Variants in FAR2 observed in about 807,000 individuals in gnomAD.
FAR2 encodes the protein fatty acyl-CoA reductase 2, also known as epididymis secretory protein Li 81.
Under a neutral mutation model 56.0 loss-of-function variants are expected in FAR2, and 19 were observed. That is an observed-to-expected ratio of 0.34 (90% confidence interval 0.24 to 0.50). FAR2 has a LOEUF of 0.50. FAR2 is among the 20% of genes least tolerant of loss of function. The probability of loss-of-function intolerance (pLI) is 0.98; values close to 1 mark genes in which losing one functional copy is unlikely to be tolerated. For missense variants in FAR2, 508 were observed against 642.2 expected (o/e 0.79, Z 2.26); for synonymous variants, 219 against 218.8 (o/e 1.00, Z -0.01).
rs756396709 is a variant in FAR2 at position 29,241,356 on chromosome 12, CA to C, written c.-38-29054del. Reference sequence around the variant, plus strand: ...TGATGGAAATCTGGAAAGACTTTCTCAAGAAAGTGAAAGAGGAATTTCTGTA... The same window carrying C: ...TGATGGAAATCTGGAAAGACTTTCTCAGAAAGTGAAAGAGGAATTTCTGTA... On this transcript the variant is annotated intron_variant, in intron 1 of 11. Coordinates refer to ENST00000536681, the MANE Select transcript of FAR2 (RefSeq NM_001271783.2). Among the ~76,000 whole-genome samples the C allele has an allele frequency of 6.6e-5, 10 of 152,112 alleles. 1 individual carries two copies. The East Asian group carries it at 1.7e-3, about 27-fold the overall frequency.
At chr12:29,166,092 A>C (rs1262390491) in intron 1 of FAR2, among the ~76,000 whole-genome samples, 1 of 152,218 alleles carries the variant, frequency 6.6e-6, no homozygotes, top group South Asian at 2.1e-4. Flanking sequence ...CAACATCTAC[A>C]CTATTTATCT....
At chr12:29,231,030 G>T (rs1253853212) in intron 1 of FAR2, among the ~76,000 whole-genome samples, 1 of 152,160 alleles carries the variant, frequency 6.6e-6, no homozygotes, top group East Asian at 1.9e-4. Flanking sequence ...AGACTACACT[G>T]GCCTTGGGGA....
chr12:29,193,866 T>C (rs1392372559), intron 1 of FAR2, among the ~76,000 whole-genome samples: 1 of 152,208 alleles, frequency 6.6e-6, no homozygotes, highest in African/African-American at 2.4e-5. Context: ...ATTCCCACCA[T>C]TAATGAATGA....
intron 2 of FAR2, chr12:29,277,553 AC>A (rs1158662143): frequency 6.6e-6 from 1 of 152,238 alleles, no homozygotes; most frequent in African/African-American, 2.4e-5. Context: ...CATAAGAAAC[AC>A]ATGTATATTT....
chr12:29,277,932 C>CTTTCT (rs1948727327), intron 2 of FAR2: 8 of 115,484 alleles, frequency 6.9e-5, no homozygotes, highest in Middle Eastern at 5.3e-3. Flanking sequence ...TATTTTCTTT[C>CTTTCT]TTTTTTTTTT....
At chr12:29,232,585 G>A (rs1310353920) in intron 1 of FAR2, among the ~76,000 whole-genome samples, 3 of 152,202 alleles carry the variant, frequency 2.0e-5, no homozygotes, top group African/African-American at 7.2e-5. Context: ...ATTGTCAAGA[G>A]GGTGTTCAGC....
At chr12:29,170,970 A>T (rs1050055160) in intron 1 of FAR2, among the ~76,000 whole-genome samples, 2 of 152,356 alleles carry the variant, frequency 1.3e-5, no homozygotes, top group Admixed American at 1.3e-4. Context: ...AGAGGTTAGG[A>T]ACTCCCTTTC....
At chr12:29,162,705 C>T (rs763458845) in intron 1 of FAR2, among the ~76,000 whole-genome samples, 2 of 151,966 alleles carry the variant, frequency 1.3e-5, no homozygotes, top group Non-Finnish European at 2.9e-5. Flanking sequence ...AACCAAAAGG[C>T]TTATCTTTTA....
chr12:29,288,589 A>G (rs1948910909), intron 2 of FAR2, among the ~76,000 whole-genome samples: 2 of 152,104 alleles, frequency 1.3e-5, no homozygotes, highest in South Asian at 4.1e-4. Context: ...GCACCATTTC[A>G]TCTTGTCCCT....
intron 1 of FAR2, among the ~76,000 whole-genome samples, chr12:29,153,269 A>G (rs945939535): frequency 2.0e-5 from 3 of 152,222 alleles, no homozygotes; most frequent in African/African-American, 7.2e-5. Context: ...TGGTGTTCTG[A>G]GAAGGCTTGC....
intron 1 of FAR2, among the ~76,000 whole-genome samples, chr12:29,232,889 C>T (rs551778842): frequency 1.8e-4 from 28 of 151,892 alleles, no homozygotes; most frequent in Non-Finnish European, 3.1e-4. Context: ...ATTCCCTTGG[C>T]CACACTATGG....
intron 1 of FAR2, among the ~76,000 whole-genome samples, chr12:29,190,466 A>C (rs10771491): frequency 1.3e-4 from 19 of 151,338 alleles, no homozygotes; most frequent in Non-Finnish European, 2.4e-4. Context: ...TTAATTAATT[A>C]ATTTATTTAT....
At chr12:29,230,113 CA>C (rs1347602797) in intron 1 of FAR2, among the ~76,000 whole-genome samples, 1 of 152,060 alleles carries the variant, frequency 6.6e-6, no homozygotes, top group Non-Finnish European at 1.5e-5. Flanking sequence ...ATGACATACA[CA>C]GATGTCATCT....
chr12:29,224,803 G>A (rs1216601992), intron 1 of FAR2, among the ~76,000 whole-genome samples: 1 of 152,160 alleles, frequency 6.6e-6, no homozygotes, highest in Non-Finnish European at 1.5e-5. Flanking sequence ...AATTGCAAAT[G>A]GAATTACTGC....
intron 1 of FAR2, among the ~76,000 whole-genome samples, chr12:29,229,453 G>A (rs923681160): frequency 6.6e-6 from 1 of 151,872 alleles, no homozygotes; most frequent in African/African-American, 2.4e-5. Context: ...ATTGGTTGGC[G>A]AAATAAAGGT....
chr12:29,264,995 C>T (rs1457906811), intron 1 of FAR2, among the ~76,000 whole-genome samples: 1 of 152,054 alleles, frequency 6.6e-6, no homozygotes, highest in Admixed American at 6.5e-5. Flanking sequence ...ACAATAAAAC[C>T]TATAAAACAT....
intron 2 of FAR2, among the ~76,000 whole-genome samples, chr12:29,271,040 G>A (rs978887613): frequency 6.6e-6 from 1 of 152,136 alleles, no homozygotes; most frequent in African/African-American, 2.4e-5. Flanking sequence ...TGCTTAGGGA[G>A]CAGATGTGAC....
chr12:29,216,193 T>A (rs1383204628), intron 1 of FAR2, among the ~76,000 whole-genome samples: 1 of 152,212 alleles, frequency 6.6e-6, no homozygotes, highest in Non-Finnish European at 1.5e-5. Flanking sequence ...TCTGACACTA[T>A]CTACCTCCAG....
At chr12:29,258,988 T>C (rs1326915606) in intron 1 of FAR2, among the ~76,000 whole-genome samples, 1 of 152,230 alleles carries the variant, frequency 6.6e-6, no homozygotes, top group African/African-American at 2.4e-5. Flanking sequence ...TGCTTGGGTC[T>C]ATGTAATTAG....
Sources: allele counts gnomAD v4.1 joint callset (sites outside exome capture counted in the v4.1 genomes callset), GRCh38; gene constraint gnomAD v4.1.1; transcripts MANE v1.5; gene names NCBI Gene and HGNC (gene_info 2026-07-23, HGNC 2026-07-21).